CEP128: variants seen among roughly 807,000 people sequenced by gnomAD.
The protein encoded by CEP128 is centrosomal protein 128.
In CEP128, 132 loss-of-function variants were observed where a neutral mutation model predicts 156.7. That is an observed-to-expected ratio of 0.84 (90% CI 0.73 to 0.97). CEP128 has a LOEUF of 0.97. Among genes scored for constraint, CEP128 ranks in the 50% least tolerant of loss-of-function variants. The pLI is 0.00. For synonymous variants in CEP128, 469 were observed against 448.9 expected (o/e 1.04, Z -0.57); for missense variants, 1,252 against 1,281.9 (o/e 0.98, Z 0.36).
chr14:80,725,474 C>T (rs540278953), intron 19 of CEP128, among the ~76,000 whole-genome samples: 1 of 152,090 alleles, frequency 6.6e-6, no homozygotes, highest in African/African-American at 2.4e-5. Context: ...TGAGGCACTG[C>T]GCCCAGCCCC....
intron 24 of CEP128, among the ~76,000 whole-genome samples, chr14:80,502,589 T>C (rs990303423): frequency 5.3e-5 from 8 of 152,214 alleles, no homozygotes; most frequent in African/African-American, 9.6e-5. Flanking sequence ...TTACTCTTTA[T>C]GGCAATCATA....
intron 13 of CEP128, among the ~76,000 whole-genome samples, chr14:80,794,456 T>C (rs1167057616): frequency 6.6e-6 from 1 of 152,168 alleles, no homozygotes; most frequent in Non-Finnish European, 1.5e-5. Context: ...ACTGTGTACT[T>C]GTGTGTGTAG....
In CEP128 at chr14:80,862,957, T is replaced by C. The variant is rs920262383; in HGVS notation, c.646-84A>G. On this transcript the variant is annotated intron_variant, in intron 8 of 24. Coordinates refer to ENST00000555265, the MANE Select transcript of CEP128 (RefSeq NM_152446.5). Reference sequence around the variant, plus strand: ...ATTGAGAAGATAGTTTTATAGCAGATACACTACTGCTTAAAGCATTTAAGA... The same window carrying C: ...ATTGAGAAGATAGTTTTATAGCAGACACACTACTGCTTAAAGCATTTAAGA... 7.0e-5 allele frequency: 63 copies of C among 901,552 alleles called. No individual in the cohort carries two copies. In the Admixed American group the frequency reaches 9.9e-4, roughly 14 times the overall value. 55.8% of individuals were successfully genotyped at this position (901,552 alleles called of 1,614,324 possible). A position where few individuals can be genotyped will look rare whatever the true frequency, so the allele number is the denominator to read the frequency against.
intron 19 of CEP128, among the ~76,000 whole-genome samples, chr14:80,691,960 C>T (rs1246397681): frequency 6.6e-6 from 1 of 152,084 alleles, no homozygotes; most frequent in East Asian, 1.9e-4. Context: ...ATATGCAACA[C>T]AAATCAAGTA....
At chr14:80,622,413 C>T (rs1893518424) in intron 19 of CEP128, among the ~76,000 whole-genome samples, 1 of 150,058 alleles carries the variant, frequency 6.7e-6, no homozygotes, top group African/African-American at 2.5e-5. Flanking sequence ...GACTTCATGT[C>T]TAAAACACCA....
At chr14:80,609,844 G>A (rs1430060388) in intron 19 of CEP128, among the ~76,000 whole-genome samples, 1 of 150,748 alleles carries the variant, frequency 6.6e-6, no homozygotes, top group African/African-American at 2.4e-5. Context: ...AATTATATAT[G>A]TATGTGAGTC....
At chr14:80,571,316 C>A (rs1363854359) in intron 20 of CEP128, among the ~76,000 whole-genome samples, 1 of 152,124 alleles carries the variant, frequency 6.6e-6, no homozygotes, top group Non-Finnish European at 1.5e-5. Context: ...CTAGGGATTT[C>A]TATTACAACC....
chr14:80,593,356 T>G (rs998358157), intron 19 of CEP128, among the ~76,000 whole-genome samples: 1 of 151,738 alleles, frequency 6.6e-6, no homozygotes, highest in African/African-American at 2.4e-5. Context: ...GCTAACATGG[T>G]GAAACCCCAT....
intron 19 of CEP128, among the ~76,000 whole-genome samples, chr14:80,611,349 C>T (rs550419117): frequency 6.7e-6 from 1 of 149,192 alleles, no homozygotes; most frequent in East Asian, 2.0e-4. Flanking sequence ...TAAAAAAAAT[C>T]TAAGGTCATT....
At chr14:80,705,269 C>T (rs28608605) in intron 19 of CEP128, among the ~76,000 whole-genome samples, 9,927 of 151,444 alleles carry the variant, frequency 0.066, 1,079 homozygotes, top group African/African-American at 0.23. Context: ...CCCTCTAGCT[C>T]CTTTTATTCC....
At position 80,819,066 on chromosome 14, in the gene CEP128, CT is replaced by C. The variant is rs1319930608; in HGVS notation, c.1209+12076del. Among the ~76,000 whole-genome samples the C allele has an allele frequency of 2.6e-5, 4 of 152,128 alleles. No homozygotes were observed. The East Asian group carries it at 7.8e-4, about 30-fold the overall frequency. On this transcript the variant is annotated intron_variant, in intron 13 of 24. Coordinates refer to ENST00000555265, the MANE Select transcript of CEP128 (RefSeq NM_152446.5). ...TAACAAAGCACCACAGACTGGGTGG[CT>C]TATAAACAACAAAAATGTATTTCTC...
chr14:80,751,631 CTT>C (rs550491859), intron 18 of CEP128, among the ~76,000 whole-genome samples: 86 of 138,616 alleles, frequency 6.2e-4, no homozygotes, highest in African/African-American at 1.6e-3. Flanking sequence ...GTAAATATGT[CTT>C]TTTTTTTTTT....
At chr14:80,655,957 C>T (rs1171618760) in intron 19 of CEP128, among the ~76,000 whole-genome samples, 9 of 151,582 alleles carry the variant, frequency 5.9e-5, no homozygotes, top group Admixed American at 5.9e-4. Flanking sequence ...CTTTTTATTG[C>T]AACTAAAAGT....
At chr14:80,817,419 G>A (rs1277832453) in intron 13 of CEP128, among the ~76,000 whole-genome samples, 1 of 152,096 alleles carries the variant, frequency 6.6e-6, no homozygotes, top group Non-Finnish European at 1.5e-5. Flanking sequence ...TCAAACGTAG[G>A]AGACAACGAT....
intron 23 of CEP128, among the ~76,000 whole-genome samples, chr14:80,519,855 T>C (rs559125620): frequency 6.6e-6 from 1 of 152,288 alleles, no homozygotes; most frequent in South Asian, 2.1e-4. Flanking sequence ...ACTCAATAAA[T>C]GGTCATATGA....
In CEP128 at chr14:80,905,902, A is replaced by G. The variant is rs773608808; in HGVS notation, c.361+53T>C. On this transcript the variant is annotated intron_variant, in intron 5 of 24. Transcript: ENST00000555265. Reference sequence around the variant, plus strand: ...TTTCTCCAAAAATTAAATGTATTCAATATCTACTTCAAAAATATTTTTAAT... The same window carrying G: ...TTTCTCCAAAAATTAAATGTATTCAGTATCTACTTCAAAAATATTTTTAAT... The G allele has an allele frequency of 7.0e-6, 11 of 1,578,296 alleles. No homozygotes were observed. In the Admixed American group the frequency reaches 8.7e-5, roughly 13 times the overall value.
intron 8 of CEP128, among the ~76,000 whole-genome samples, chr14:80,874,753 G>T (rs1888200219): frequency 6.6e-6 from 1 of 152,032 alleles, no homozygotes; most frequent in Non-Finnish European, 1.5e-5. Context: ...GAGTAGCTGG[G>T]ACTACAGGCG....
intron 19 of CEP128, among the ~76,000 whole-genome samples, chr14:80,678,064 G>GTATATGTA (rs1555390235): frequency 4.4e-4 from 12 of 27,446 alleles, no homozygotes; most frequent in East Asian, 4.2e-3. Flanking sequence ...ATATATATAT[G>GTATATGTA]TATATATATA....
At chr14:80,646,674 A>G (rs918629657) in intron 19 of CEP128, among the ~76,000 whole-genome samples, 3 of 152,086 alleles carry the variant, frequency 2.0e-5, no homozygotes, top group South Asian at 4.2e-4. Flanking sequence ...AAATGTGAGT[A>G]TCTACTCTTA....
Sources: gnomAD v4.1 joint callset for allele counts (sites outside exome capture counted in the v4.1 genomes callset) on GRCh38, gnomAD v4.1.1 for gene constraint, MANE v1.5 for transcripts, NCBI Gene and HGNC (gene_info 2026-07-23, HGNC 2026-07-21) for gene names.